IL1R1: variants seen among roughly 807,000 people sequenced by gnomAD.
IL1R1 encodes the protein interleukin-1 receptor type 1.
In IL1R1, 22 loss-of-function variants were observed where a neutral mutation model predicts 50.2. That is an observed-to-expected ratio of 0.44 (90% CI 0.31 to 0.63). IL1R1 has a LOEUF of 0.63. Among genes scored for constraint, IL1R1 ranks in the 20% least tolerant of loss-of-function variants. The pLI is 0.07. For missense variants in IL1R1, 509 were observed against 676.2 expected, an observed-to-expected ratio of 0.75 and a Z score of 2.74; for synonymous variants, 251 against 236.7, an observed-to-expected ratio of 1.06 and a Z score of -0.55.
At chr2:102,164,639 T>C in intron 3 of IL1R1, 135 bp from the exon 4 acceptor site, 2 of 640,582 alleles carry the variant, frequency 3.1e-6, no homozygotes, top group East Asian at 2.7e-5. Context: ...AATGATCTTA[T>C]CACAAGGCTG....
At chr2:102,173,836 T>C (rs1685889134) in intron 9 of IL1R1, among the ~76,000 whole-genome samples, 1 of 152,108 alleles carries the variant, frequency 6.6e-6, no homozygotes, top group Admixed American at 6.5e-5. Context: ...GAAAAATAAA[T>C]CTGGAGGATT....
chr2:102,149,190 C>G (rs1683428367), intron 1 of IL1R1, among the ~76,000 whole-genome samples: 1 of 138,690 alleles, frequency 7.2e-6, no homozygotes. Flanking sequence ...CTAAGTATCT[C>G]TCCATTACAT....
intron 1 of IL1R1, among the ~76,000 whole-genome samples, chr2:102,113,448 A>G (rs1680890764): frequency 6.6e-6 from 1 of 152,238 alleles, no homozygotes. Context: ...CTGCTCAGTC[A>G]TGTATACCAA....
chr2:102,175,647 T>C lies in IL1R1; in HGVS notation c.1303+2T>C. ...GAAGGGATGACTACGTTGGGGAAGG[T>C]ATGTGTGTAATGGAACAGAGTAAAG... On this transcript the variant is annotated splice_donor_variant, in intron 11 of 11. Transcript: ENST00000410023. LOFTEE classifies it high-confidence loss of function. 6.2e-7 allele frequency: 1 copy of C among 1,613,508 alleles called. No individual in the cohort carries two copies. Among genetic ancestry groups the C allele is most frequent in the Non-Finnish European group, 8.5e-7 (1 of 1,179,496 alleles).
upstream of IL1R1, among the ~76,000 whole-genome samples, chr2:102,101,509 C>T (rs576711389): frequency 1.6e-3 from 241 of 152,324 alleles, no homozygotes; most frequent in African/African-American, 5.4e-3. Flanking sequence ...CACATACACA[C>T]ATGCTCATGC....
intron 1 of IL1R1, among the ~76,000 whole-genome samples, chr2:102,126,100 T>A (rs1160702208): frequency 2.0e-5 from 3 of 152,238 alleles, no homozygotes; most frequent in African/African-American, 7.2e-5. Context: ...TAATATCCCC[T>A]AAGTGAAATT....
At position 102,179,782 on chromosome 2, in the gene IL1R1, G is replaced by A. The variant is rs867065040; in HGVS notation, c.*3023G>A. 9.2e-5 allele frequency: 14 copies of A among 152,656 alleles called. No individual in the cohort carries two copies. Among genetic ancestry groups the A allele is most frequent in the African/African-American group, 3.4e-4 (14 of 41,408 alleles). The allele number at this position is 152,656 out of a possible 1,614,324, so 9.5% of individuals were successfully genotyped here. On this transcript the variant is annotated 3_prime_UTR_variant, in exon 12 of 12. Transcript: ENST00000410023. ...TTTTGCAGCAGAAGCCAAATTTTTT[G>A]TATATTAAAGCACCAAATTCATGTA...
intron 3 of IL1R1, among the ~76,000 whole-genome samples, chr2:102,164,322 G>A (rs980460690): frequency 6.6e-6 from 1 of 152,214 alleles, no homozygotes; most frequent in South Asian, 2.1e-4. Context: ...TGGCCTAGCT[G>A]TAATTTTGGA....
At chr2:102,125,142 G>T (rs1681633365) in intron 1 of IL1R1, among the ~76,000 whole-genome samples, 1 of 152,122 alleles carries the variant, frequency 6.6e-6, no homozygotes, top group African/African-American at 2.4e-5. Flanking sequence ...CTCTTCCTCG[G>T]CTACCACACA....
chr2:102,107,609 T>G (rs1282264621), intron 1 of IL1R1, among the ~76,000 whole-genome samples: 1 of 152,040 alleles, frequency 6.6e-6, no homozygotes, highest in African/African-American at 2.4e-5. Flanking sequence ...ACCTGCATGT[T>G]GTGCACATGT....
At chr2:102,104,293 G>C (rs1304038892), upstream of IL1R1, among the ~76,000 whole-genome samples, 1 of 152,186 alleles carries the variant, frequency 6.6e-6, no homozygotes, top group African/African-American at 2.4e-5. Context: ...TTGGGAGGTA[G>C]GCAGAGAGGG....
At chr2:102,140,186 A>G (rs1307667875), upstream of IL1R1, among the ~76,000 whole-genome samples, 1 of 152,264 alleles carries the variant, frequency 6.6e-6, no homozygotes, top group Non-Finnish European at 1.5e-5. Flanking sequence ...GAAAAAAAAC[A>G]TAAAATACTT....
At chr2:102,140,366 A>G (rs1161434073), upstream of IL1R1, among the ~76,000 whole-genome samples, 1 of 152,188 alleles carries the variant, frequency 6.6e-6, no homozygotes, top group Non-Finnish European at 1.5e-5. Context: ...GGGTCCTGGG[A>G]TCTGATCAGC....
In IL1R1 at chr2:102,148,945, A is replaced by AAAACAAAC. The variant is rs35503646; in HGVS notation, c.-83-4967_-83-4960dup. ...GGGTAACAGAGCAAGACTCTGTCTCAAAACAAACAAACAAACAAACAAACA... is the reference window on the plus strand; with the variant it reads ...GGGTAACAGAGCAAGACTCTGTCTCAAAACAAACAAACAAACAAACAAACAAACAAACA... On this transcript the variant is annotated intron_variant, in intron 1 of 11. Transcript: ENST00000410023. Among the ~76,000 whole-genome samples, 1,357 of 150,696 alleles carry AAAACAAAC rather than the reference A, an allele frequency of 9.0e-3. 15 individuals carry two copies. The highest frequency in any genetic ancestry group is 0.03 in the African/African-American group (1,228 of 40,696).
At chr2:102,165,638 G>T (rs1414257669) in intron 5 of IL1R1, among the ~76,000 whole-genome samples, 1 of 152,148 alleles carries the variant, frequency 6.6e-6, no homozygotes, top group Non-Finnish European at 1.5e-5. Context: ...TTTTATTGAA[G>T]ATATGGTCTT....
rs537314680 is a variant in IL1R1, at chr2:102,075,760, C to T, written c.-84+5227C>T. On this transcript the variant is annotated intron_variant, in intron 1 of 11. Coordinates refer to the IL1R1 transcript ENST00000409929. The stretch of plus-strand genomic sequence containing the variant: ...TAAAGCATATCTTGGCAGATAAGAA[C>T]GAAAATACAGGTTAAAGACAGAAGA... 6.0e-4 allele frequency among the ~76,000 whole-genome samples: 92 copies of T among 152,204 alleles called. 1 individual carries two copies. The South Asian group carries it at 9.6e-3, about 16-fold the overall frequency.
upstream of IL1R1, among the ~76,000 whole-genome samples, chr2:102,100,337 G>A (rs1313426726): frequency 6.6e-6 from 1 of 152,162 alleles, no homozygotes; most frequent in Non-Finnish European, 1.5e-5. Flanking sequence ...TTTTCTGGGA[G>A]GAGAGGTCAG....
chr2:102,160,335 T>G (rs1379187561), intron 3 of IL1R1, among the ~76,000 whole-genome samples: 6 of 152,208 alleles, frequency 3.9e-5, no homozygotes, highest in Non-Finnish European at 5.9e-5. Flanking sequence ...CTGCTTTTGG[T>G]ATCTTTGATT....
In IL1R1 at chr2:102,097,957, A is replaced by G. The variant is rs536785729; in HGVS notation, c.-84+27424A>G. On this transcript the variant is annotated intron_variant, in intron 1 of 11. Coordinates refer to the IL1R1 transcript ENST00000409929. ...GAATACCATTGACACCAAAACTAGA[A>G]AATCCCAGTATAAGAAAATAAAATC... Among the ~76,000 whole-genome samples the G allele has an allele frequency of 5.3e-5, 8 of 152,200 alleles. No individual in the cohort carries two copies. In the South Asian group the frequency reaches 1.7e-3, roughly 32 times the overall value.
Sources: gnomAD v4.1 joint callset for allele counts (sites outside exome capture counted in the v4.1 genomes callset) on GRCh38, gnomAD v4.1.1 for gene constraint, MANE v1.5 for transcripts, NCBI Gene and HGNC (gene_info 2026-07-23, HGNC 2026-07-21) for gene names.